The following FTO variants were observed in gnomAD, a reference collection of about 807,000 sequenced individuals.
FTO encodes FTO alpha-ketoglutarate dependent dioxygenase.
Under a neutral mutation model 63.9 loss-of-function variants are expected in FTO, and 47 were observed. The ratio of observed to expected loss-of-function variants is 0.74; its 90% CI spans 0.58 to 0.94. The LOEUF is 0.94. FTO is among the 40% of genes least tolerant of loss of function. FTO has a pLI of 0.00. For synonymous variants in FTO, 207 were observed against 224.4 expected, an observed-to-expected ratio of 0.92 and a Z score of 0.69; for missense variants, 562 against 618.1, an observed-to-expected ratio of 0.91 and a Z score of 0.96.
chr16:53,906,194 A>G (rs2081534973), intron 7 of FTO, among the ~76,000 whole-genome samples: 2 of 152,218 alleles, frequency 1.3e-5, no homozygotes, highest in South Asian at 2.1e-4. Context: ...ATTTTTCATC[A>G]GTTAGGTCCC....
intron 1 of FTO, among the ~76,000 whole-genome samples, chr16:53,775,694 T>G (rs1309166932): frequency 1.3e-5 from 2 of 152,120 alleles, no homozygotes; most frequent in African/African-American, 4.8e-5. Flanking sequence ...GAACTGAATT[T>G]TAGCCAAAAG....
intron 3 of FTO, among the ~76,000 whole-genome samples, chr16:53,830,303 T>C (rs1019402640): frequency 1.4e-4 from 21 of 152,214 alleles, no homozygotes; most frequent in African/African-American, 4.6e-4. Flanking sequence ...GAATATTTGA[T>C]TTTCCTATTC....
intron 4 of FTO, among the ~76,000 whole-genome samples, chr16:53,866,971 T>G (rs1456617793): frequency 6.6e-6 from 1 of 152,150 alleles, no homozygotes; most frequent in African/African-American, 2.4e-5. Context: ...TAGATCTTTC[T>G]TCTTCTAATA....
chr16:53,846,425 C>G (rs188426219), intron 4 of FTO, among the ~76,000 whole-genome samples: 1 of 152,160 alleles, frequency 6.6e-6, no homozygotes, highest in Admixed American at 6.5e-5. Context: ...ATACTTTGTT[C>G]AGAAGTTTCT....
At chr16:54,027,315 T>C (rs779014961) in intron 8 of FTO, among the ~76,000 whole-genome samples, 8 of 152,140 alleles carry the variant, frequency 5.3e-5, no homozygotes, top group Non-Finnish European at 1.2e-4. Context: ...AATGGAATGA[T>C]AGGTTTAGGT....
intron 1 of FTO, among the ~76,000 whole-genome samples, chr16:53,767,964 A>G (rs1431291053): frequency 1.3e-5 from 2 of 152,236 alleles, no homozygotes; most frequent in Admixed American, 6.5e-5. Flanking sequence ...GTGAGTTAAT[A>G]TAGGCTAAGG....
At chr16:54,094,702 T>A (rs2086473167) in intron 8 of FTO, among the ~76,000 whole-genome samples, 1 of 152,232 alleles carries the variant, frequency 6.6e-6, no homozygotes, top group Non-Finnish European at 1.5e-5. Context: ...AGGATAAGGT[T>A]TACAGCCTTC....
chr16:53,935,139 C>T (rs757028526), intron 8 of FTO, among the ~76,000 whole-genome samples: 1 of 152,176 alleles, frequency 6.6e-6, no homozygotes, highest in Non-Finnish European at 1.5e-5. Flanking sequence ...ATTGAATTGT[C>T]ATCCGTCTCT....
intron 1 of FTO, among the ~76,000 whole-genome samples, chr16:53,722,505 A>G (rs1020070662): frequency 1.2e-4 from 18 of 152,060 alleles, no homozygotes; most frequent in African/African-American, 3.4e-4. Context: ...TCTGCTCTCC[A>G]TCACCAGTAG....
At chr16:54,063,453 G>A (rs533687790) in intron 8 of FTO, among the ~76,000 whole-genome samples, 2 of 152,268 alleles carry the variant, frequency 1.3e-5, no homozygotes, top group Admixed American at 6.5e-5. Context: ...TCCGAACAGC[G>A]CTACGTTTTA....
At chr16:53,725,687 G>T (rs553428357) in intron 1 of FTO, among the ~76,000 whole-genome samples, 2 of 152,254 alleles carry the variant, frequency 1.3e-5, no homozygotes, top group East Asian at 3.9e-4. Context: ...TCTTGGCTTT[G>T]TTCCTTGTAG....
At chr16:53,823,419 T>C (rs937663037) in intron 2 of FTO, among the ~76,000 whole-genome samples, 4 of 152,132 alleles carry the variant, frequency 2.6e-5, no homozygotes, top group African/African-American at 9.7e-5. Flanking sequence ...AACCAAGCTG[T>C]GTGCTGATCA....
chr16:54,011,709 A>C (rs1395789109), intron 8 of FTO, among the ~76,000 whole-genome samples: 1 of 152,224 alleles, frequency 6.6e-6, no homozygotes, highest in Non-Finnish European at 1.5e-5. Flanking sequence ...AAAACAAAAG[A>C]AACGATATAA....
chr16:54,096,642 G>C (rs2144577755), intron 8 of FTO, among the ~76,000 whole-genome samples: 1 of 152,326 alleles, frequency 6.6e-6, no homozygotes, highest in East Asian at 1.9e-4. Context: ...TTAAGAGTGA[G>C]TGGCAGTAAT....
intron 2 of FTO, among the ~76,000 whole-genome samples, chr16:53,821,795 G>C (rs2078871129): frequency 6.6e-6 from 1 of 152,138 alleles, no homozygotes; most frequent in South Asian, 2.1e-4. Context: ...GCCTCATTCA[G>C]AACAGGCTAG....
In FTO at chr16:53,879,980, A is replaced by G; in HGVS notation, c.1112A>G (p.His371Arg). ...PAVLKQGEEI[H>R]NEVEFEWLRQ... ...GTTTTGAAACAAGGAGAAGAAATTC[A>G]TAATGAGGTAAGGACTTTCTTTTTT... Residue 371 changes from histidine to arginine, a missense_variant, in exon 6 of 9, where the codon CAT (histidine) becomes CGT (arginine). Physicochemically the swap from His to Arg is conservative, Grantham distance 29 (BLOSUM62 0). Coordinates refer to ENST00000471389, the MANE Select transcript of FTO (RefSeq NM_001080432.3). 5.6e-6 allele frequency: 9 copies of G among 1,612,788 alleles called. No individual in the cohort carries two copies. The highest frequency in any genetic ancestry group is 7.6e-6 in the Non-Finnish European group (9 of 1,179,102).
At chr16:53,911,027 A>G (rs920720945) in intron 7 of FTO, among the ~76,000 whole-genome samples, 1 of 152,274 alleles carries the variant, frequency 6.6e-6, no homozygotes, top group African/African-American at 2.4e-5. Context: ...CGGTATACCG[A>G]ACATCTCAGA....
At chr16:53,896,843 G>A (rs750443386) in intron 7 of FTO, among the ~76,000 whole-genome samples, 3 of 152,052 alleles carry the variant, frequency 2.0e-5, no homozygotes, top group South Asian at 2.1e-4. Context: ...GGAACTCAGC[G>A]CTCCTCTTGC....
chr16:53,945,691 A>G (rs2082636791), intron 8 of FTO, among the ~76,000 whole-genome samples: 1 of 152,218 alleles, frequency 6.6e-6, no homozygotes, highest in Admixed American at 6.5e-5. Context: ...TATCACCTTT[A>G]TATGCTCTGT....
Sources: gnomAD v4.1 joint callset for allele counts (sites outside exome capture counted in the v4.1 genomes callset) on GRCh38, gnomAD v4.1.1 for gene constraint, MANE v1.5 for transcripts, NCBI Gene and HGNC (gene_info 2026-07-23, HGNC 2026-07-21) for gene names.